The following EXOC4 variants were observed in gnomAD, a reference collection of about 807,000 sequenced individuals.
EXOC4 encodes the protein exocyst complex component 4, also known as SEC8-like 1.
A neutral mutation model predicts 107.2 loss-of-function variants in EXOC4; 71 were observed. That is an observed-to-expected ratio of 0.66 (90% CI 0.55 to 0.81). The LOEUF is 0.81. Ranked by LOEUF, EXOC4 falls within the 30% of genes least tolerant of loss-of-function variation. EXOC4 has a pLI of 0.00. For synonymous variants in EXOC4, 456 were observed against 441.2 expected (o/e 1.03, Z -0.42); for missense variants, 1,108 against 1,189.6 (o/e 0.93, Z 1.01).
intron 4 of EXOC4, among the ~76,000 whole-genome samples, chr7:133,309,817 G>C (rs966948634): frequency 2.0e-5 from 3 of 152,236 alleles, no homozygotes; most frequent in Admixed American, 2.0e-4. Flanking sequence ...GTACGTGCCT[G>C]TAGTCCCAGC....
At chr7:133,477,969 C>G (rs1385222189) in intron 8 of EXOC4, among the ~76,000 whole-genome samples, 2 of 152,054 alleles carry the variant, frequency 1.3e-5, no homozygotes, top group Non-Finnish European at 1.5e-5. Flanking sequence ...GAGGAAGCCA[C>G]TTTTTCTGAG....
rs10253930 is a variant in EXOC4, at chr7:133,540,414, A to G, written c.1417+60276A>G. Among the ~76,000 whole-genome samples the G allele has an allele frequency of 3.4e-3, 511 of 152,354 alleles. 5 individuals carry two copies. The highest frequency in any genetic ancestry group is 0.012 in the African/African-American group (480 of 41,590). ...AGGAAAAGAAAATATATTAAAAACC[A>G]GTGTAACTCCAACTGATTACCCCAT... On this transcript the variant is annotated intron_variant, in intron 9 of 17. Coordinates refer to ENST00000253861, the MANE Select transcript of EXOC4 (RefSeq NM_021807.4).
intron 9 of EXOC4, among the ~76,000 whole-genome samples, chr7:133,621,663 T>C (rs966872842): frequency 6.6e-6 from 1 of 152,204 alleles, no homozygotes; most frequent in Non-Finnish European, 1.5e-5. Flanking sequence ...TGAGTGACTC[T>C]AGGGAGGACC....
In EXOC4 at chr7:133,356,389, A is replaced by C; in HGVS notation, c.823A>C (p.Ser275Arg). The change falls in exon 6 of 18, where the codon AGC (serine) becomes CGC (arginine). Residue 275 changes from serine (S) to arginine (R), a missense_variant. By Grantham distance (110) the Ser-to-Arg change is moderately radical. Coordinates refer to ENST00000253861, the MANE Select transcript of EXOC4 (RefSeq NM_021807.4). ...EDLELDPEEN[S>R]TLFMGILIKG... ...TTTAGAATTGGATCCAGAGGAAAAC[A>C]GCACCCTGTTTATGGGTATCCTCAT... is the stretch of plus-strand genomic sequence containing the variant. 6.2e-7 allele frequency: 1 copy of C among 1,614,154 alleles called. No individual in the cohort carries two copies. Among genetic ancestry groups the C allele is most frequent in the Non-Finnish European group, 8.5e-7 (1 of 1,179,998 alleles).
chr7:133,316,233 T>C (rs1401608660), intron 4 of EXOC4, among the ~76,000 whole-genome samples: 1 of 152,154 alleles, frequency 6.6e-6, no homozygotes, highest in Non-Finnish European at 1.5e-5. Flanking sequence ...TATATTGCTG[T>C]GGTGGGGGCA....
At chr7:133,881,424 G>T (rs937635597) in intron 11 of EXOC4, among the ~76,000 whole-genome samples, 1 of 151,834 alleles carries the variant, frequency 6.6e-6, no homozygotes, top group Non-Finnish European at 1.5e-5. Context: ...TATTTATCTT[G>T]CAGGACTCAA....
Position 133,855,092 on chromosome 7 carries a change from A to AATATATCTAAATATATATATATAAATAT in EXOC4, c.1734+37554_1734+37555insCTAAATATATATATATAAATATATATAT, listed in dbSNP as rs1798328679. On this transcript the variant is annotated intron_variant, in intron 11 of 17. Transcript: ENST00000253861. The stretch of plus-strand genomic sequence containing the variant: ...ATCTAAATATATCTAAATATATATA[A>AATATATCTAAATATATATATATAAATAT]ATATATATATAAATATATATAAATA... Among the ~76,000 whole-genome samples, 8 of 49,332 alleles carry AATATATCTAAATATATATATATAAATAT rather than the reference A, an allele frequency of 1.6e-4. No individual in the cohort carries two copies. In the South Asian group the frequency reaches 2.6e-3, roughly 16 times the overall value. 32.4% of individuals were successfully genotyped at this position (49,332 alleles called of 152,430 possible). A position where few individuals can be genotyped will look rare whatever the true frequency, so the allele number is the denominator to read the frequency against.
chr7:134,027,455 C>G (rs1795165741), intron 17 of EXOC4, among the ~76,000 whole-genome samples: 1 of 151,982 alleles, frequency 6.6e-6, no homozygotes, highest in South Asian at 2.1e-4. Context: ...GTCAGGAGAT[C>G]AAGACCATCC....
intron 7 of EXOC4, among the ~76,000 whole-genome samples, chr7:133,455,923 G>C (rs1798453401): frequency 2.0e-5 from 3 of 152,106 alleles, no homozygotes; most frequent in Admixed American, 2.0e-4. Flanking sequence ...TTTATTAACT[G>C]AGAATTATTG....
intron 7 of EXOC4, among the ~76,000 whole-genome samples, chr7:133,383,032 G>C (rs1485749379): frequency 6.6e-6 from 1 of 152,102 alleles, no homozygotes; most frequent in Non-Finnish European, 1.5e-5. Flanking sequence ...CACTCTTTTT[G>C]AAACTGTGAT....
intron 3 of EXOC4, among the ~76,000 whole-genome samples, chr7:133,291,240 A>G (rs890946927): frequency 6.6e-6 from 1 of 151,830 alleles, no homozygotes; most frequent in Admixed American, 6.6e-5. Flanking sequence ...TATATTCTAG[A>G]TATTAATTCT....
rs35757786 is a variant in EXOC4 at position 133,404,904 on chromosome 7, G to GCACA, written c.1182+29919_1182+29922dup. Among the ~76,000 whole-genome samples, 46 of 111,358 alleles carry GCACA rather than the reference G, an allele frequency of 4.1e-4. 1 individual carries two copies. The Admixed American group carries it at 4.4e-3, about 11-fold the overall frequency. The allele number at this position is 111,358 out of a possible 152,430, so 73.1% of individuals were successfully genotyped here. ...CCCCAATACACACACACACACACAC[G>GCACA]CACACACACACACACACACATTAGT... On this transcript the variant is annotated intron_variant, in intron 7 of 17. Coordinates refer to ENST00000253861, the MANE Select transcript of EXOC4 (RefSeq NM_021807.4).
chr7:133,556,218 G>A (rs905167634), intron 9 of EXOC4, among the ~76,000 whole-genome samples: 3 of 152,116 alleles, frequency 2.0e-5, no homozygotes, highest in Non-Finnish European at 4.4e-5. Context: ...AATTATCTGT[G>A]GCCAGCAGTC....
chr7:133,272,883 G>A (rs932247489), intron 1 of EXOC4, among the ~76,000 whole-genome samples: 2 of 152,154 alleles, frequency 1.3e-5, no homozygotes, highest in Admixed American at 6.5e-5. Context: ...GCCAGAAAAG[G>A]TGTTCTCTCT....
rs529424831 is a variant in EXOC4 at position 133,281,435 on chromosome 7, T to C, written c.276+6264T>C. Among the ~76,000 whole-genome samples the C allele has an allele frequency of 6.7e-5, 10 of 149,416 alleles. No individual in the cohort carries two copies. The East Asian group carries it at 7.8e-4, about 12-fold the overall frequency. ...AGGAGAAAACCTATGATAGTACTTA[T>C]ATGTAGATTTACTTTCGCCAACAAA... On this transcript the variant is annotated intron_variant, in intron 2 of 17. Transcript: ENST00000253861.
rs1797401066 is a variant in EXOC4 at position 133,817,532 on chromosome 7, G to A, written c.1722G>A (p.Arg574=). The change falls in exon 11 of 18, where the codon CGG becomes CGA. Residue 574 remains arginine, a synonymous_variant. Coordinates refer to ENST00000253861, the MANE Select transcript of EXOC4 (RefSeq NM_021807.4). ...ADTMKVLGVQ[R]PLLQSTIIVE... is the part of the protein sequence containing the mutation. ...CCATGAAGGTGCTGGGAGTGCAGCG[G>A]CCTCTCCTACAGGTAATAATACACT... 6.2e-7 allele frequency: 1 copy of A among 1,613,008 alleles called. No homozygotes were observed. The highest frequency in any genetic ancestry group is 1.7e-5 in the Admixed American group (1 of 59,976).
intron 12 of EXOC4, among the ~76,000 whole-genome samples, chr7:133,905,233 G>A (rs1172515746): frequency 6.6e-6 from 1 of 152,174 alleles, no homozygotes; most frequent in Admixed American, 6.5e-5. Flanking sequence ...GCTCCTGGGA[G>A]CTTAGAGATC....
In EXOC4 at chr7:133,657,518, T is replaced by A. The variant is rs564144274; in HGVS notation, c.1514+27377T>A. The stretch of plus-strand genomic sequence containing the variant: ...CTTCAGTTTCCCAAGGACAGCATTT[T>A]GTAAGTGGTGTGCGTGCTTTTTGAG... On this transcript the variant is annotated intron_variant, in intron 10 of 17. Transcript: ENST00000253861. Among the ~76,000 whole-genome samples the A allele has an allele frequency of 9.8e-5, 15 of 152,312 alleles. No homozygotes were observed. In the South Asian group the frequency reaches 2.9e-3, roughly 29 times the overall value.
At chr7:133,836,272 A>T (rs1343677150) in intron 11 of EXOC4, among the ~76,000 whole-genome samples, 1 of 152,018 alleles carries the variant, frequency 6.6e-6, no homozygotes, top group Non-Finnish European at 1.5e-5. Context: ...ACTTCAATAG[A>T]ATGTTAAGGC....
Sources: gnomAD v4.1 joint callset for allele counts (sites outside exome capture counted in the v4.1 genomes callset) on GRCh38, gnomAD v4.1.1 for gene constraint, MANE v1.5 for transcripts, NCBI Gene and HGNC (gene_info 2026-07-23, HGNC 2026-07-21) for gene names.